Variants in TNS3 observed in about 807,000 individuals in gnomAD.
TNS3 encodes the protein tensin-3.
TNS3 carries 45 observed loss-of-function variants against 140.9 expected under a neutral mutation model. The ratio of observed to expected loss-of-function variants is 0.32; its 90% CI spans 0.25 to 0.41. The LOEUF (loss-of-function observed/expected upper bound fraction) is 0.41, where lower values mean the gene tolerates loss of function less well. TNS3 is among the 10% of genes least tolerant of loss of function. The pLI is 1.00. For missense variants in TNS3, 1,716 were observed against 1,906.7 expected (o/e 0.90, Z 1.86); for synonymous variants, 815 against 788.4 (o/e 1.03, Z -0.56).
At chr7:47,411,176 T>C (rs1278444058) in intron 13 of TNS3, among the ~76,000 whole-genome samples, 4 of 152,370 alleles carry the variant, frequency 2.6e-5, no homozygotes, top group South Asian at 2.1e-4. Flanking sequence ...TTCCAGGTTG[T>C]ATATCTCGAG....
intron 18 of TNS3, among the ~76,000 whole-genome samples, chr7:47,345,617 C>A (rs1789290084): frequency 6.6e-6 from 1 of 152,184 alleles, no homozygotes; most frequent in Admixed American, 6.5e-5. Context: ...ATACACCGAC[C>A]TGCTTTACAT....
chr7:47,325,194 C>T (rs1787962099), intron 20 of TNS3, among the ~76,000 whole-genome samples: 1 of 152,184 alleles, frequency 6.6e-6, no homozygotes, highest in Admixed American at 6.5e-5. Flanking sequence ...CTCCACAGAG[C>T]AGTAAATGAG....
intron 1 of TNS3, among the ~76,000 whole-genome samples, chr7:47,546,424 C>T (rs552983656): frequency 1.4e-4 from 22 of 152,264 alleles, no homozygotes; most frequent in Admixed American, 7.2e-4. Context: ...CTTCCTGCGT[C>T]CCAGCCCTGT....
At chr7:47,514,005 G>C (rs687280) in intron 2 of TNS3, among the ~76,000 whole-genome samples, 56,235 of 152,180 alleles carry the variant, frequency 0.37, 11,315 homozygotes, top group Non-Finnish European at 0.46. Flanking sequence ...ACGTCTCCAC[G>C]AGCCTTGGGA....
intron 9 of TNS3, among the ~76,000 whole-genome samples, chr7:47,424,890 A>T (rs834597): frequency 0.4 from 60,815 of 152,166 alleles, 12,332 homozygotes; most frequent in Non-Finnish European, 0.42. Flanking sequence ...TGCCCACAGG[A>T]AGTGTCTGAC....
At chr7:47,569,174 G>A (rs762528723) in intron 1 of TNS3, among the ~76,000 whole-genome samples, 1 of 152,214 alleles carries the variant, frequency 6.6e-6, no homozygotes. Flanking sequence ...AGCAAAAAGG[G>A]GGAGAGGAGA....
Position 47,505,717 on chromosome 7 carries a change from TTG to T in TNS3, c.-115+1188_-115+1189del, listed in dbSNP as rs58992722. 9.5e-3 allele frequency among the ~76,000 whole-genome samples: 1,422 copies of T among 149,600 alleles called. 18 individuals are homozygous for T. The highest frequency in any genetic ancestry group is 0.031 in the African/African-American group (1,267 of 41,006). Reference sequence around the variant, plus strand: ...CTATACTAGTCTAGTTCTTCCAACTTTGTGTGTGTGTGTGTGTGTGTGTATTT... The same window carrying T: ...CTATACTAGTCTAGTTCTTCCAACTTTGTGTGTGTGTGTGTGTGTGTATTT... On this transcript the variant is annotated intron_variant, in intron 3 of 30. Coordinates refer to ENST00000311160, the MANE Select transcript of TNS3 (RefSeq NM_022748.12).
At chr7:47,315,390 G>C (rs959651783) in intron 20 of TNS3, among the ~76,000 whole-genome samples, 1 of 152,188 alleles carries the variant, frequency 6.6e-6, no homozygotes, top group Non-Finnish European at 1.5e-5. Context: ...TGGGAGGCGC[G>C]TGCCCGTCGT....
intron 20 of TNS3, 73 bp from the exon 21 acceptor site, chr7:47,305,076 G>T (rs1239735197): frequency 6.7e-6 from 8 of 1,201,652 alleles, no homozygotes; most frequent in African/African-American, 4.7e-5. Flanking sequence ...TGCTGCTTTT[G>T]CATGTTCCAC....
At chr7:47,512,810 G>C (rs1432533419) in intron 2 of TNS3, among the ~76,000 whole-genome samples, 1 of 152,218 alleles carries the variant, frequency 6.6e-6, no homozygotes, top group Non-Finnish European at 1.5e-5. Flanking sequence ...TGGAAAAGCT[G>C]AAATGAATTA....
At chr7:47,505,374 G>C (rs76369246) in intron 3 of TNS3, among the ~76,000 whole-genome samples, 3,279 of 152,312 alleles carry the variant, frequency 0.022, 105 homozygotes, top group African/African-American at 0.074. Flanking sequence ...ATAAACCACG[G>C]TCAGAAATCA....
intron 8 of TNS3, among the ~76,000 whole-genome samples, chr7:47,433,135 C>T (rs1795005306): frequency 6.6e-6 from 1 of 152,198 alleles, no homozygotes; most frequent in African/African-American, 2.4e-5. Context: ...AGGACCGACC[C>T]TCACTCTGTT....
At chr7:47,531,432 C>A (rs78155238) in intron 1 of TNS3, among the ~76,000 whole-genome samples, 6 of 151,932 alleles carry the variant, frequency 3.9e-5, no homozygotes, top group African/African-American at 7.3e-5. Context: ...CAGCTGACAC[C>A]TATGACATAT....
chr7:47,370,800 A>G (rs1422489188), intron 16 of TNS3, among the ~76,000 whole-genome samples: 2 of 152,146 alleles, frequency 1.3e-5, no homozygotes, highest in South Asian at 2.1e-4. Context: ...AATTTGAGAG[A>G]CGTGAGCCAC....
rs188907334 is a variant in TNS3, at chr7:47,411,833, T to C, written c.648-31A>G. On this transcript the variant is annotated intron_variant, in intron 12 of 30. Coordinates refer to ENST00000311160, the MANE Select transcript of TNS3 (RefSeq NM_022748.12). Reference sequence around the variant, plus strand: ...GGATGAAGAAGAAGGTAGATCATTATGCAACTTCATGATTTTGTGGGAAGA... The same window carrying C: ...GGATGAAGAAGAAGGTAGATCATTACGCAACTTCATGATTTTGTGGGAAGA... 3.1e-6 allele frequency: 5 copies of C among 1,600,208 alleles called. No homozygotes were observed. The East Asian group carries it at 1.1e-4, about 36-fold the overall frequency.
intron 24 of TNS3, among the ~76,000 whole-genome samples, chr7:47,294,490 C>A (rs1785893575): frequency 6.6e-6 from 1 of 152,208 alleles, no homozygotes; most frequent in Admixed American, 6.5e-5. Flanking sequence ...ACCAAAAGAA[C>A]AAGAAGTCAC....
At chr7:47,414,119 C>T in intron 11 of TNS3, 122 bp from the exon 12 acceptor site, 1 of 1,030,168 alleles carries the variant, frequency 9.7e-7, no homozygotes, top group Non-Finnish European at 1.5e-6. Flanking sequence ...CCTTTGAGGT[C>T]TGGGAAAGCA....
chr7:47,522,879 G>C (rs1799038566), intron 2 of TNS3, among the ~76,000 whole-genome samples: 1 of 149,908 alleles, frequency 6.7e-6, no homozygotes, highest in Admixed American at 6.7e-5. Context: ...TGTGAGCTGA[G>C]ATCGCGCCAA....
chr7:47,454,367 C>T (rs190483828), intron 4 of TNS3, among the ~76,000 whole-genome samples: 70 of 152,254 alleles, frequency 4.6e-4, no homozygotes, highest in Admixed American at 1.4e-3. Context: ...GTCATCAGAC[C>T]CGGAGACACT....
Sources: allele counts gnomAD v4.1 joint callset (sites outside exome capture counted in the v4.1 genomes callset), GRCh38; gene constraint gnomAD v4.1.1; transcripts MANE v1.5; gene names NCBI Gene and HGNC (gene_info 2026-07-23, HGNC 2026-07-21).